The following MYLK variants were observed in gnomAD, a reference collection of about 807,000 sequenced individuals.
MYLK encodes the protein myosin light chain kinase, smooth muscle.
MYLK carries 106 observed loss-of-function variants against 203.4 expected under a neutral mutation model. The observed-to-expected ratio is 0.52, with a 90% CI of 0.45 to 0.61. The LOEUF is 0.61. MYLK is among the 20% of genes least tolerant of loss of function. The probability of loss-of-function intolerance (pLI) is 0.00; values close to 1 mark genes in which losing one functional copy is unlikely to be tolerated. For missense variants in MYLK, 2,072 were observed against 2,442.3 expected (o/e 0.85, Z 3.20); for synonymous variants, 867 against 959.5 (o/e 0.90, Z 1.78).
chr3:123,765,474 T>C (rs768050768), intron 4 of MYLK, among the ~76,000 whole-genome samples: 2 of 149,136 alleles, frequency 1.3e-5, no homozygotes, highest in Non-Finnish European at 3.0e-5. Context: ...GAGATTGCAA[T>C]GAGCCGAGAT....
chr3:123,701,505 G>C lies in MYLK; in HGVS notation c.2395C>G (p.Arg799Gly). The C allele has an allele frequency of 6.2e-7, 1 of 1,613,806 alleles. No homozygotes were observed. Among genetic ancestry groups the C allele is most frequent in the Non-Finnish European group, 8.5e-7 (1 of 1,179,940 alleles). The change falls in exon 17 of 34, where the codon CGG becomes GGG. Residue 799 changes from arginine to glycine, a missense_variant. Arg to Gly is a moderately radical substitution (Grantham distance 125, BLOSUM62 -2). Transcript: ENST00000360304. ...ACCTGGCAACTGCATTCGCCAACCCGGTTCCTGAAGAATTCCAAAGATCAA... is the reference window on the plus strand; with the variant it reads ...ACCTGGCAACTGCATTCGCCAACCCCGTTCCTGAAGAATTCCAAAGATCAA... ...AGQYEILLKN[R>G]VGECSCQVSL... is the part of the protein sequence containing the mutation.
At chr3:123,848,242 G>T (rs2030287949) in intron 2 of MYLK, among the ~76,000 whole-genome samples, 2 of 97,006 alleles carry the variant, frequency 2.1e-5, no homozygotes, top group Non-Finnish European at 2.0e-5. Flanking sequence ...TATTATTTGT[G>T]GGTCTTATTT....
intron 23 of MYLK, among the ~76,000 whole-genome samples, chr3:123,658,056 G>A (rs1035679648): frequency 6.6e-6 from 1 of 152,238 alleles, no homozygotes; most frequent in Non-Finnish European, 1.5e-5. Context: ...AACAGCACTT[G>A]TATCACAGGT....
At position 123,614,359 on chromosome 3, in the gene MYLK, A is replaced by G. The variant is rs760123154; in HGVS notation, c.5501-10T>C. 6.2e-6 allele frequency: 10 copies of G among 1,614,150 alleles called. No homozygotes were observed. Among genetic ancestry groups the G allele is most frequent in the Non-Finnish European group, 8.5e-6 (10 of 1,180,014 alleles). On this transcript the variant is annotated splice_polypyrimidine_tract_variant and intron_variant, in intron 33 of 33. Coordinates refer to ENST00000360304, the MANE Select transcript of MYLK (RefSeq NM_053025.4). ...TCGGGGTCTGGGTATCCTGCATCAC[A>G]GGGAGAGAACACAAGTTGCAGGAAC... is the stretch of plus-strand genomic sequence containing the variant.
chr3:123,882,703 A>G (rs1220107433), intron 1 of MYLK, among the ~76,000 whole-genome samples: 1 of 152,152 alleles, frequency 6.6e-6, no homozygotes, highest in Non-Finnish European at 1.5e-5. Context: ...TCCAGAGTCC[A>G]ACCACTCCGG....
intron 2 of MYLK, among the ~76,000 whole-genome samples, chr3:123,859,523 C>T (rs1665692023): frequency 6.6e-6 from 1 of 152,196 alleles, no homozygotes; most frequent in Non-Finnish European, 1.5e-5. Context: ...GCTGAAGTCA[C>T]TTTAGCCTGA....
At chr3:123,791,588 C>A (rs937963378) in intron 4 of MYLK, among the ~76,000 whole-genome samples, 1 of 152,222 alleles carries the variant, frequency 6.6e-6, no homozygotes, top group African/African-American at 2.4e-5. Context: ...TCTGTATACA[C>A]CAGTGTGCTG....
chr3:123,685,976 G>A (rs2060440029), intron 19 of MYLK, among the ~76,000 whole-genome samples: 1 of 152,164 alleles, frequency 6.6e-6, no homozygotes, highest in Non-Finnish European at 1.5e-5. Context: ...AGCACGGTGG[G>A]GCTGTGCATG....
At chr3:123,639,162 T>G (rs1476006831) in intron 28 of MYLK, 1 of 715,564 alleles carries the variant, frequency 1.4e-6, no homozygotes. Context: ...AATTTATTGG[T>G]GGTCACTGTT....
At chr3:123,687,596 CTTCCTTCCTTCCTACCTTCA>C (rs966756857) in intron 19 of MYLK, among the ~76,000 whole-genome samples, 1 of 151,548 alleles carries the variant, frequency 6.6e-6, no homozygotes, top group Non-Finnish European at 1.5e-5. Flanking sequence ...TTCTTCCTTC[CTTCCTTCCTTCCTACCTTCA>C]TTCCTTCCTT....
At chr3:123,744,809 C>A (rs191774770) in intron 5 of MYLK, among the ~76,000 whole-genome samples, 1 of 152,066 alleles carries the variant, frequency 6.6e-6, no homozygotes, top group African/African-American at 2.4e-5. Context: ...TATTACTGTT[C>A]CCCAAAGTTT....
chr3:123,667,381 C>G (rs559201356), intron 20 of MYLK, among the ~76,000 whole-genome samples, 194 bp from the exon 21 acceptor site: 1 of 152,010 alleles, frequency 6.6e-6, no homozygotes, highest in Non-Finnish European at 1.5e-5. Context: ...GCAGGTGGAC[C>G]ACTAGAGGTC....
At chr3:123,884,012 C>CT (rs2033699557) in intron 1 of MYLK, among the ~76,000 whole-genome samples, 194 bp downstream of exon 1, 1 of 152,266 alleles carries the variant, frequency 6.6e-6, no homozygotes, top group South Asian at 2.1e-4. Context: ...CAAAAGAAAA[C>CT]TCGTGCAGCC....
chr3:123,617,420 G>A (rs1249993391), intron 33 of MYLK: 1 of 152,196 alleles, frequency 6.6e-6, no homozygotes, highest in African/African-American at 2.4e-5. Flanking sequence ...CATTATCAAA[G>A]GCAGCACATC....
At chr3:123,820,563 T>C (rs1378478083) in intron 3 of MYLK, among the ~76,000 whole-genome samples, 3 of 152,110 alleles carry the variant, frequency 2.0e-5, no homozygotes, top group Non-Finnish European at 4.4e-5. Context: ...TGATAAAGTC[T>C]AGCTTGCAGA....
intron 2 of MYLK, among the ~76,000 whole-genome samples, chr3:123,866,666 A>C (rs1447512600): frequency 1.3e-5 from 2 of 152,186 alleles, no homozygotes; most frequent in African/African-American, 4.8e-5. Flanking sequence ...CTTGTTGGAA[A>C]GACCTGGGAT....
intron 4 of MYLK, among the ~76,000 whole-genome samples, chr3:123,772,559 C>A (rs1056000350): frequency 6.6e-6 from 1 of 151,828 alleles, no homozygotes; most frequent in Middle Eastern, 3.4e-3. Flanking sequence ...TATGTGAACA[C>A]TAAAATTTAA....
chr3:123,738,865 T>C (rs1371347523), intron 7 of MYLK, 32 bp downstream of exon 7: 1 of 1,594,580 alleles, frequency 6.3e-7, no homozygotes, highest in South Asian at 1.1e-5. Context: ...TAATACAGGC[T>C]GGATCAGGGT....
intron 2 of MYLK, among the ~76,000 whole-genome samples, chr3:123,841,386 C>A (rs1230281634): frequency 2.0e-5 from 3 of 152,112 alleles, no homozygotes; most frequent in Non-Finnish European, 2.9e-5. Flanking sequence ...TATTGCCTAT[C>A]TTTACATAGT....
Sources: gnomAD v4.1 joint callset for allele counts (sites outside exome capture counted in the v4.1 genomes callset) on GRCh38, gnomAD v4.1.1 for gene constraint, MANE v1.5 for transcripts, NCBI Gene and HGNC (gene_info 2026-07-23, HGNC 2026-07-21) for gene names.